ABAT: variants seen among roughly 807,000 people sequenced by gnomAD.
ABAT encodes 4-aminobutyrate aminotransferase.
In ABAT, 45 loss-of-function variants were observed where a neutral mutation model predicts 64.6. That is an observed-to-expected ratio of 0.70 (90% CI 0.55 to 0.89). The LOEUF is 0.89. Among genes scored for constraint, ABAT ranks in the 40% least tolerant of loss-of-function variants. ABAT has a pLI of 0.00. For synonymous variants in ABAT, 297 were observed against 250.5 expected (o/e 1.19, Z -1.75); for missense variants, 633 against 658.4 (o/e 0.96, Z 0.42).
intron 1 of ABAT, among the ~76,000 whole-genome samples, chr16:8,708,227 T>A (rs1197446352): frequency 6.6e-6 from 1 of 152,160 alleles, no homozygotes; most frequent in African/African-American, 2.4e-5. Flanking sequence ...CTCACGCTGG[T>A]AAGAAGTTCA....
At chr16:8,675,500 C>G (rs1196587133) in intron 1 of ABAT, among the ~76,000 whole-genome samples, 1 of 152,112 alleles carries the variant, frequency 6.6e-6, no homozygotes, top group African/African-American at 2.4e-5. Flanking sequence ...CTGCACCATC[C>G]TCCCACCGCT....
Position 8,784,476 on chromosome 16 carries a change from T to A in ABAT, c.*3046T>A, listed in dbSNP as rs1345662274. On this transcript the variant is annotated 3_prime_UTR_variant, in exon 16 of 16. Transcript: ENST00000268251. ...ATAAATGATAAAAAAAAAATTAACA[T>A]GTCACAATGTAACGGATGACCATAT... 1 of 152,494 alleles carries A rather than the reference T, an allele frequency of 6.6e-6. No homozygotes were observed. The highest frequency in any genetic ancestry group is 1.5e-5 in the Non-Finnish European group (1 of 68,042). The allele number at this position is 152,494 out of a possible 1,614,324, so 9.4% of individuals were successfully genotyped here.
chr16:8,772,326 C>G (rs969201321), intron 11 of ABAT, among the ~76,000 whole-genome samples: 1 of 146,962 alleles, frequency 6.8e-6, no homozygotes, highest in South Asian at 2.1e-4. Flanking sequence ...CTTTATTTCT[C>G]TCAATATACC....
At chr16:8,757,903 A>T (rs1408050348) in intron 6 of ABAT, 97 bp downstream of exon 6, 3 of 1,345,214 alleles carry the variant, frequency 2.2e-6, no homozygotes, top group Admixed American at 1.8e-5. Flanking sequence ...TCATTCATTC[A>T]TTCATTCCAT....
rs2059870906 is a variant in ABAT at position 8,764,037 on chromosome 16, G to A, written c.367-32G>A. 2 of 1,602,740 alleles carry A rather than the reference G, an allele frequency of 1.2e-6. No homozygotes were observed. Among genetic ancestry groups the A allele is most frequent in the East Asian group, 4.5e-5 (2 of 44,798 alleles). ...GGCAGGGAGCTGGGTCAGGCCCCCA[G>A]AAGTCACCATTTGTCTCTTGCCCTT... On this transcript the variant is annotated intron_variant, in intron 6 of 15. Coordinates refer to ENST00000268251, the MANE Select transcript of ABAT (RefSeq NM_020686.6). The surrounding 1 kb of genome is among the most constrained non-coding windows in gnomAD (Gnocchi z 4.2).
chr16:8,699,254 C>A (rs1372964316), intron 1 of ABAT, among the ~76,000 whole-genome samples: 1 of 152,158 alleles, frequency 6.6e-6, no homozygotes, highest in Non-Finnish European at 1.5e-5. Flanking sequence ...GCTGTTGCGG[C>A]CATCTTTGGA....
chr16:8,694,660 G>C (rs1486594047), intron 1 of ABAT, among the ~76,000 whole-genome samples: 2 of 152,180 alleles, frequency 1.3e-5, no homozygotes, highest in African/African-American at 2.4e-5. Flanking sequence ...TTACAGGCAT[G>C]AGCCACCGCA....
rs1306758675 is a variant in ABAT at position 8,721,414 on chromosome 16, C to A, written c.-41-14285C>A. Among the ~76,000 whole-genome samples the A allele has an allele frequency of 4.6e-5, 7 of 152,252 alleles. No homozygotes were observed. The East Asian group carries it at 1.4e-3, about 29-fold the overall frequency. On this transcript the variant is annotated intron_variant, in intron 1 of 15. Coordinates refer to ENST00000268251, the MANE Select transcript of ABAT (RefSeq NM_020686.6). The stretch of plus-strand genomic sequence containing the variant: ...GCCTCCGAGCCTCCAGAGCTTCCCC[C>A]GGTGCCCAGGTCACACCTGTGAGAC...
rs570712369 is a variant in ABAT at position 8,747,485 on chromosome 16, G to GTAGTAAAA, written c.169-621_169-614dup. Among the ~76,000 whole-genome samples the GTAGTAAAA allele has an allele frequency of 4.2e-3, 638 of 152,154 alleles. 1 individual carries two copies. Among genetic ancestry groups the GTAGTAAAA allele is most frequent in the Non-Finnish European group, 7.3e-3 (495 of 68,000 alleles). ...TGGGGAGATAGATTTTAATCTAGTA[G>GTAGTAAAA]TAGTAAAATTCTTGGAATACTTTTT... On this transcript the variant is annotated intron_variant, in intron 3 of 15. Coordinates refer to ENST00000268251, the MANE Select transcript of ABAT (RefSeq NM_020686.6).
At position 8,771,444 on chromosome 16, in the gene ABAT, G is replaced by A. The variant is rs116974848; in HGVS notation, c.817-1336G>A. Among the ~76,000 whole-genome samples, 1,261 of 148,948 alleles carry A rather than the reference G, an allele frequency of 8.5e-3. 16 individuals are homozygous for A. The highest frequency in any genetic ancestry group is 9.8e-3 in the Non-Finnish European group (659 of 67,542). On this transcript the variant is annotated intron_variant, in intron 11 of 15. Transcript: ENST00000268251. Reference sequence around the variant, plus strand: ...AGCTTTCACTTGTTAGTCTATCTAGGTGTACGGTTTAGGGTTTTTCTTTCT... The same window carrying A: ...AGCTTTCACTTGTTAGTCTATCTAGATGTACGGTTTAGGGTTTTTCTTTCT...
chr16:8,745,200 G>A (rs1196561606), intron 2 of ABAT, among the ~76,000 whole-genome samples: 4 of 152,004 alleles, frequency 2.6e-5, no homozygotes, highest in Admixed American at 6.6e-5. Flanking sequence ...CAAGCTGGTC[G>A]TGAACTTCTG....
intron 1 of ABAT, chr16:8,683,323 C>T (rs2057377661): frequency 6.5e-6 from 1 of 153,050 alleles, no homozygotes. Context: ...TTGCTTGAAC[C>T]CAGGAGTTCT....
chr16:8,694,475 T>C (rs1343831745), intron 1 of ABAT, among the ~76,000 whole-genome samples: 1 of 152,120 alleles, frequency 6.6e-6, no homozygotes, highest in Non-Finnish European at 1.5e-5. Context: ...ACAATAGCCT[T>C]GAGCTCCTGG....
chr16:8,687,299 C>T (rs1290600306), intron 1 of ABAT, among the ~76,000 whole-genome samples: 6 of 151,818 alleles, frequency 4.0e-5, no homozygotes, highest in Admixed American at 2.0e-4. Context: ...CTGAGGCGGG[C>T]GAATCACGAG....
At chr16:8,721,179 T>C (rs1033641575) in intron 1 of ABAT, among the ~76,000 whole-genome samples, 1 of 149,414 alleles carries the variant, frequency 6.7e-6, no homozygotes, top group Non-Finnish European at 1.5e-5. Flanking sequence ...AGTCTGGGGG[T>C]AAGATCATTT....
chr16:8,724,731 GAAAAAAAAAAAAAACAAAAAAA>G (rs1200253869), intron 1 of ABAT, among the ~76,000 whole-genome samples: 9 of 73,208 alleles, frequency 1.2e-4, no homozygotes, highest in East Asian at 6.0e-4. Flanking sequence ...CTTGTCTCAG[GAAAAAAAAAAAAAACAAAAAAA>G]AAAAAAAAAA....
intron 1 of ABAT, among the ~76,000 whole-genome samples, chr16:8,726,129 G>A (rs115439606): frequency 0.011 from 1,729 of 152,076 alleles, 47 homozygotes; most frequent in African/African-American, 0.039. Context: ...CTCTATGCCC[G>A]TGACTTCAAT....
Position 8,764,095 on chromosome 16 carries a change from C to G in ABAT, c.393C>G (p.Leu131=). 2 of 1,613,716 alleles carry G rather than the reference C, an allele frequency of 1.2e-6. No homozygotes were observed. Among genetic ancestry groups the G allele is most frequent in the South Asian group, 2.2e-5 (2 of 91,056 alleles). Residue 131 remains leucine, a synonymous_variant, in exon 7 of 16, where the codon CTC becomes CTG. Transcript: ENST00000268251. The surrounding 1 kb of genome is among the most constrained non-coding windows in gnomAD (Gnocchi z 4.2). The part of the protein sequence containing the change: ...NASMFVNRPA[L]GILPPENFVE... ...GCATGTTTGTCAACAGACCCGCCCT[C>G]GGAATCCTGCCTCCGGAGAACTTTG...
At chr16:8,718,445 A>T (rs1044380986) in intron 1 of ABAT, among the ~76,000 whole-genome samples, 2 of 152,238 alleles carry the variant, frequency 1.3e-5, no homozygotes, top group Admixed American at 6.5e-5. Context: ...CATTGCATTA[A>T]TCTGACGGAT....
Sources: gnomAD v4.1 joint callset for allele counts (sites outside exome capture counted in the v4.1 genomes callset) on GRCh38, gnomAD v4.1.1 for gene constraint, Gnocchi (gnomAD v3.1) non-coding constraint, MANE v1.5 for transcripts, NCBI Gene and HGNC (gene_info 2026-07-23, HGNC 2026-07-21) for gene names.